RIMS1: variants seen among roughly 807,000 people sequenced by gnomAD.
RIMS1 encodes regulating synaptic membrane exocytosis 1, also known as regulating synaptic membrane exocytosis protein 1.
In RIMS1, 83 loss-of-function variants were observed where a neutral mutation model predicts 214.1. The ratio of observed to expected loss-of-function variants is 0.39; its 90% CI spans 0.32 to 0.47. The LOEUF is 0.47. Among genes scored for constraint, RIMS1 ranks in the 20% least tolerant of loss-of-function variants. The pLI is 0.99. For missense variants in RIMS1, 2,050 were observed against 2,161.8 expected, an observed-to-expected ratio of 0.95 and a Z score of 1.03; for synonymous variants, 793 against 786.8, an observed-to-expected ratio of 1.01 and a Z score of -0.13.
rs2098810070 is a variant in RIMS1 at position 72,398,934 on chromosome 6, T to G, written c.4721-21T>G. On this transcript the variant is annotated intron_variant, in intron 32 of 33. Coordinates refer to ENST00000521978, the MANE Select transcript of RIMS1 (RefSeq NM_014989.7). ...TGAATTTAAGGAATAATTTCTTATA[T>G]GTTAATATACCTTTGTTTAGCTCCA... is the stretch of plus-strand genomic sequence containing the variant. 2.1e-6 allele frequency: 3 copies of G among 1,441,626 alleles called. No homozygotes were observed. The South Asian group carries it at 3.8e-5, about 18-fold the overall frequency. The allele number at this position is 1,441,626 out of a possible 1,614,324, so 89.3% of individuals were successfully genotyped here.
chr6:72,378,972 G>T (rs76618309), intron 29 of RIMS1, among the ~76,000 whole-genome samples: 1,609 of 152,194 alleles, frequency 0.011, 26 homozygotes, highest in African/African-American at 0.035. Context: ...GACTTTGTGG[G>T]GAAGAAAAAT....
intron 24 of RIMS1, among the ~76,000 whole-genome samples, chr6:72,287,333 A>G (rs2092522505): frequency 6.6e-6 from 1 of 152,360 alleles, no homozygotes; most frequent in East Asian, 1.9e-4. Context: ...GTTTAAAAAC[A>G]AAAACAACAG....
intron 1 of RIMS1, among the ~76,000 whole-genome samples, chr6:71,939,791 A>G (rs939070257): frequency 2.0e-5 from 3 of 152,206 alleles, no homozygotes; most frequent in Non-Finnish European, 4.4e-5. Context: ...TTACAATGGC[A>G]GTTAAGTTAC....
At chr6:72,108,835 A>T (rs918108164) in intron 4 of RIMS1, among the ~76,000 whole-genome samples, 12 of 144,212 alleles carry the variant, frequency 8.3e-5, no homozygotes, top group Non-Finnish European at 1.7e-4. Context: ...TATCTCCTAA[A>T]GCTATCCCTC....
chr6:72,340,189 T>G (rs1290760049), intron 29 of RIMS1, among the ~76,000 whole-genome samples: 3 of 152,126 alleles, frequency 2.0e-5, no homozygotes, highest in Admixed American at 2.0e-4. Context: ...ATATTAGCCC[T>G]TTGTCAGATG....
At chr6:72,292,741 G>T (rs756875256) in intron 26 of RIMS1, among the ~76,000 whole-genome samples, 1 of 152,066 alleles carries the variant, frequency 6.6e-6, no homozygotes. Flanking sequence ...CTTAGTAGAT[G>T]ACATGACTTG....
chr6:72,106,763 A>C lies in RIMS1; in HGVS notation c.471+6777A>C, dbSNP rs148107433. On this transcript the variant is annotated intron_variant, in intron 4 of 33. Transcript: ENST00000521978. ...TAGTGTATGATGGTTCCCCTAAAAAATATATCTTCTGAAATCTATGTATTT... is the reference window on the plus strand; with the variant it reads ...TAGTGTATGATGGTTCCCCTAAAAACTATATCTTCTGAAATCTATGTATTT... Among the ~76,000 whole-genome samples, 1,365 of 152,318 alleles carry C rather than the reference A, an allele frequency of 9.0e-3. 18 individuals carry two copies. The highest frequency in any genetic ancestry group is 0.031 in the African/African-American group (1,303 of 41,570).
intron 2 of RIMS1, among the ~76,000 whole-genome samples, chr6:72,033,702 G>A (rs996110316): frequency 2.6e-5 from 4 of 151,762 alleles, no homozygotes; most frequent in South Asian, 2.1e-4. Context: ...GACTGGTTTC[G>A]AACTCCTGAC....
At chr6:72,090,235 A>G (rs1835859438) in intron 2 of RIMS1, among the ~76,000 whole-genome samples, 1 of 152,160 alleles carries the variant, frequency 6.6e-6, no homozygotes, top group South Asian at 2.1e-4. Flanking sequence ...TCAAATTCCT[A>G]GGCTCAAGTG....
intron 4 of RIMS1, among the ~76,000 whole-genome samples, chr6:72,152,088 C>T (rs1363556543): frequency 3.9e-5 from 6 of 152,142 alleles, no homozygotes; most frequent in Non-Finnish European, 7.4e-5. Context: ...ACGATCCAAA[C>T]CCTATCAGGC....
chr6:72,057,907 C>T (rs1424278961), intron 2 of RIMS1, among the ~76,000 whole-genome samples: 1 of 152,184 alleles, frequency 6.6e-6, no homozygotes, highest in African/African-American at 2.4e-5. Context: ...GTTTAGACAC[C>T]AGCCAGAATA....
chr6:72,159,045 C>T (rs1420950276), intron 4 of RIMS1, among the ~76,000 whole-genome samples: 2 of 140,836 alleles, frequency 1.4e-5, no homozygotes, highest in African/African-American at 4.9e-5. Flanking sequence ...TTCTCCACAT[C>T]CTCTCCAGCA....
chr6:72,018,690 A>AGC (rs1409163594), intron 2 of RIMS1, among the ~76,000 whole-genome samples: 1 of 152,164 alleles, frequency 6.6e-6, no homozygotes, highest in Non-Finnish European at 1.5e-5. Flanking sequence ...GAGGCTGGAG[A>AGC]GAAAAACAGG....
intron 29 of RIMS1, among the ~76,000 whole-genome samples, chr6:72,368,187 T>C (rs974877229): frequency 1.3e-5 from 2 of 152,200 alleles, no homozygotes; most frequent in South Asian, 2.1e-4. Context: ...ATAATATTTA[T>C]AGGCAGCAAG....
intron 2 of RIMS1, among the ~76,000 whole-genome samples, chr6:71,972,397 G>C: frequency 6.6e-6 from 1 of 152,134 alleles, no homozygotes; most frequent in East Asian, 1.9e-4. Flanking sequence ...GCTCAACCGA[G>C]TAGGGAAAAA....
At chr6:72,138,775 T>C (rs761942262) in intron 4 of RIMS1, among the ~76,000 whole-genome samples, 6 of 152,170 alleles carry the variant, frequency 3.9e-5, no homozygotes, top group African/African-American at 1.2e-4. Flanking sequence ...CACTATCAGA[T>C]TGACAAAAAT....
chr6:72,059,337 C>A (rs1168727454), intron 2 of RIMS1, among the ~76,000 whole-genome samples: 1 of 152,172 alleles, frequency 6.6e-6, no homozygotes, highest in East Asian at 1.9e-4. Context: ...AGCAATCCTC[C>A]CTCCTCTGCC....
rs781727076 is a variant in RIMS1, at chr6:72,250,325, C to T, written c.2242-5C>T. 3 of 1,601,236 alleles carry T rather than the reference C, an allele frequency of 1.9e-6. No homozygotes were observed. The highest frequency in any genetic ancestry group is 4.5e-5 in the East Asian group (2 of 44,204). Reference sequence around the variant, plus strand: ...ACAAATAATTCCTTTCCTCATTGCTCCTAGGTGAAGTTGTGGTATGATAAA... The same window carrying T: ...ACAAATAATTCCTTTCCTCATTGCTTCTAGGTGAAGTTGTGGTATGATAAA... On this transcript the variant is annotated splice_polypyrimidine_tract_variant and splice_region_variant and intron_variant, in intron 12 of 33. Coordinates refer to ENST00000521978, the MANE Select transcript of RIMS1 (RefSeq NM_014989.7).
intron 1 of RIMS1, among the ~76,000 whole-genome samples, chr6:71,919,118 A>T (rs187715385): frequency 6.6e-6 from 1 of 152,110 alleles, no homozygotes. Flanking sequence ...GTTTGGGGAA[A>T]AGAGTCAAGT....
Sources: allele counts gnomAD v4.1 joint callset (sites outside exome capture counted in the v4.1 genomes callset), GRCh38; gene constraint gnomAD v4.1.1; transcripts MANE v1.5; gene names NCBI Gene and HGNC (gene_info 2026-07-23, HGNC 2026-07-21).